CNKSR2: variants seen among roughly 807,000 people sequenced by gnomAD.
CNKSR2 encodes connector enhancer of kinase suppressor of Ras 2.
CNKSR2 carries 14 observed loss-of-function variants against 84.4 expected under a neutral mutation model. That is an observed-to-expected ratio of 0.17 (90% CI 0.11 to 0.26). The LOEUF is 0.26. Among genes scored for constraint, CNKSR2 ranks in the 10% least tolerant of loss-of-function variants. CNKSR2 has a pLI of 1.00. For missense variants in CNKSR2, 485 were observed against 771.2 expected (o/e 0.63, Z 4.40); for synonymous variants, 275 against 277.9 (o/e 0.99, Z 0.10).
intron 4 of CNKSR2, among the ~76,000 whole-genome samples, chrX:21,451,914 A>G (rs1029097535): frequency 2.7e-5 from 3 of 111,674 alleles, no homozygotes; most frequent in African/African-American, 9.8e-5. Context: ...CTGGTAGACC[A>G]TTCAAAACCA....
intron 1 of CNKSR2, chrX:21,424,869 T>C (rs1436996459): frequency 8.9e-6 from 1 of 111,845 alleles, no homozygotes; most frequent in Non-Finnish European, 1.9e-5. Flanking sequence ...ATATTTGTAA[T>C]AGTATCAATT....
intron 12 of CNKSR2, among the ~76,000 whole-genome samples, chrX:21,562,364 C>T (rs2092199138): frequency 9.0e-6 from 1 of 111,316 alleles, no homozygotes; most frequent in Non-Finnish European, 1.9e-5. Context: ...ATGTTTGACC[C>T]GTTTTCTTGT....
intron 11 of CNKSR2, among the ~76,000 whole-genome samples, chrX:21,536,291 A>T (rs1328841463): frequency 9.0e-6 from 1 of 111,024 alleles, no homozygotes; most frequent in East Asian, 2.8e-4. Flanking sequence ...TTGCATCCAT[A>T]TTCATGAGGG....
At position 21,374,626 on chromosome X, in the gene CNKSR2, CAGCA is replaced by C. The variant is rs1569131400; in HGVS notation, c.-271_-268del. The C allele has an allele frequency of 2.2e-4, 113 of 508,781 alleles. 1 individual carries two copies. The highest frequency in any genetic ancestry group is 2.5e-4 in the Non-Finnish European group (72 of 290,855). 41.9% of individuals were successfully genotyped at this position (508,781 alleles called of 1,213,427 possible). Reference sequence around the variant, plus strand: ...GCAGCAGCAGCAGCAGCAGCAGCAGCAGCAGCCGCCGCCGCCGCCGCCTTAGCGG... The same window carrying C: ...GCAGCAGCAGCAGCAGCAGCAGCAGCGCCGCCGCCGCCGCCGCCTTAGCGG... On this transcript the variant is annotated 5_prime_UTR_variant, in exon 1 of 22. Transcript: ENST00000379510.
At chrX:21,377,686 T>C (rs1256181826) in intron 1 of CNKSR2, among the ~76,000 whole-genome samples, 1 of 111,551 alleles carries the variant, frequency 9.0e-6, no homozygotes, top group Non-Finnish European at 1.9e-5. Flanking sequence ...CTAGGGTATT[T>C]TTTTCTTCAC....
At chrX:21,519,667 A>G (rs1440301214) in intron 9 of CNKSR2, among the ~76,000 whole-genome samples, 2 of 111,380 alleles carry the variant, frequency 1.8e-5, no homozygotes, top group East Asian at 5.7e-4. Context: ...GTAGTCTACC[A>G]AGAATTATTT....
intron 5 of CNKSR2, among the ~76,000 whole-genome samples, chrX:21,471,679 A>G (rs1452820841): frequency 8.9e-6 from 1 of 111,985 alleles, no homozygotes; most frequent in East Asian, 2.8e-4. Context: ...CAGCATCCCT[A>G]TTCCTTTTTT....
chrX:21,561,632 G>C, intron 12 of CNKSR2, 72 bp downstream of exon 12: 4 of 749,408 alleles, frequency 5.3e-6, no homozygotes, highest in Non-Finnish European at 8.1e-6. Context: ...TCTGTAAATA[G>C]ATTGTTATGG....
intron 4 of CNKSR2, among the ~76,000 whole-genome samples, chrX:21,467,106 A>G (rs1176125532): frequency 1.8e-5 from 2 of 111,984 alleles, no homozygotes; most frequent in Non-Finnish European, 3.8e-5. Flanking sequence ...GTGAGCTGGC[A>G]GATAATGTTA....
At chrX:21,616,856 CTTAA>C (rs200506870) in intron 20 of CNKSR2, among the ~76,000 whole-genome samples, 4,210 of 111,877 alleles carry the variant, frequency 0.038, 73 homozygotes, top group Non-Finnish European at 0.053. Flanking sequence ...CTAGCTTCAT[CTTAA>C]TTAGTTTGTA....
chrX:21,380,934 A>G (rs1454241642), intron 1 of CNKSR2, among the ~76,000 whole-genome samples: 1 of 112,244 alleles, frequency 8.9e-6, no homozygotes, highest in Non-Finnish European at 1.9e-5. Flanking sequence ...AATTGAGTCT[A>G]AAAGTTTTAA....
At chrX:21,633,758 T>C (rs148868996) in intron 20 of CNKSR2, among the ~76,000 whole-genome samples, 1,142 of 112,464 alleles carry the variant, frequency 0.01, 8 homozygotes, top group African/African-American at 0.035. Context: ...TCTCTAACTC[T>C]TTAGTGGAAC....
intron 11 of CNKSR2, among the ~76,000 whole-genome samples, chrX:21,550,536 A>G (rs1380325739): frequency 8.9e-6 from 1 of 112,245 alleles, no homozygotes; most frequent in African/African-American, 3.2e-5. Flanking sequence ...AGAACCAGAA[A>G]TAGCATTTGA....
chrX:21,380,468 A>T (rs1379951475), intron 1 of CNKSR2, among the ~76,000 whole-genome samples: 13 of 84,386 alleles, frequency 1.5e-4, no homozygotes, highest in Non-Finnish European at 2.6e-4. Flanking sequence ...TTTTTTTGAG[A>T]TAGAGTCTTG....
At chrX:21,527,055 G>T (rs2147114849) in intron 10 of CNKSR2, 55 bp downstream of exon 10, 1 of 1,056,875 alleles carries the variant, frequency 9.5e-7, no homozygotes, top group Non-Finnish European at 1.3e-6. Flanking sequence ...AAACCTAACA[G>T]CATATAAACT....
chrX:21,446,422 T>C (rs1343677232), intron 4 of CNKSR2, among the ~76,000 whole-genome samples: 1 of 111,271 alleles, frequency 9.0e-6, no homozygotes, highest in Non-Finnish European at 1.9e-5. Flanking sequence ...TGATATTAAA[T>C]ACCTAATTTT....
At chrX:21,460,147 T>C (rs2091043694) in intron 4 of CNKSR2, among the ~76,000 whole-genome samples, 1 of 112,361 alleles carries the variant, frequency 8.9e-6, no homozygotes, top group South Asian at 3.7e-4. Flanking sequence ...ATCCCTTCAA[T>C]GTCAGTATCT....
At chrX:21,395,919 T>G (rs780031129) in intron 1 of CNKSR2, among the ~76,000 whole-genome samples, 3 of 111,892 alleles carry the variant, frequency 2.7e-5, no homozygotes, top group Non-Finnish European at 3.8e-5. Flanking sequence ...TTTTTTATGT[T>G]TTAGGTGGAT....
At chrX:21,612,075 A>T (rs759282070) in intron 20 of CNKSR2, among the ~76,000 whole-genome samples, 1 of 112,228 alleles carries the variant, frequency 8.9e-6, no homozygotes, top group Non-Finnish European at 1.9e-5. Flanking sequence ...TATTTCTAAT[A>T]TTTAGGAGTG....
Sources: gnomAD v4.1 joint callset for allele counts (sites outside exome capture counted in the v4.1 genomes callset) on GRCh38, gnomAD v4.1.1 for gene constraint, MANE v1.5 for transcripts, NCBI Gene and HGNC (gene_info 2026-07-23, HGNC 2026-07-21) for gene names.